Variants in ITPR2 observed in about 807,000 individuals in gnomAD.
The protein encoded by ITPR2 is inositol 1,4,5-trisphosphate-gated calcium channel ITPR2.
A neutral mutation model predicts 317.1 loss-of-function variants in ITPR2; 207 were observed. The observed-to-expected ratio is 0.65, with a 90% CI of 0.58 to 0.73. The LOEUF is 0.73. Ranked by LOEUF, ITPR2 falls within the 30% of genes least tolerant of loss-of-function variation. The pLI is 0.00. For missense variants in ITPR2, 2,613 were observed against 3,284.0 expected (o/e 0.80, Z 4.99); for synonymous variants, 1,156 against 1,149.1 (o/e 1.01, Z -0.12).
At chr12:26,467,302 A>G (rs375244387) in intron 45 of ITPR2, among the ~76,000 whole-genome samples, 32 of 152,304 alleles carry the variant, frequency 2.1e-4, no homozygotes, top group African/African-American at 7.7e-4. Flanking sequence ...TTAGCATGAC[A>G]TAAAAAATCC....
intron 13 of ITPR2, among the ~76,000 whole-genome samples, chr12:26,669,924 G>C (rs535463814): frequency 2.0e-5 from 3 of 152,346 alleles, no homozygotes; most frequent in Middle Eastern, 3.4e-3. Flanking sequence ...AGGGTCCTAC[G>C]CCCATGGGGT....
intron 45 of ITPR2, among the ~76,000 whole-genome samples, chr12:26,472,272 AGGGACTCATGAGGACTCTTAT>A (rs1942308298): frequency 6.6e-6 from 1 of 152,174 alleles, no homozygotes; most frequent in South Asian, 2.1e-4. Context: ...GGGTTCTAAG[AGGGACTCATGAGGACTCTTAT>A]TTAATATTTA....
chr12:26,471,716 T>C (rs545936824), intron 45 of ITPR2, among the ~76,000 whole-genome samples: 4 of 152,308 alleles, frequency 2.6e-5, no homozygotes, highest in African/African-American at 9.6e-5. Context: ...GCACAAAAGA[T>C]GATTATAGTA....
intron 2 of ITPR2, among the ~76,000 whole-genome samples, chr12:26,768,571 T>TATA (rs1949777683): frequency 1.8e-4 from 17 of 96,166 alleles, no homozygotes; most frequent in African/African-American, 7.2e-4. Context: ...CAAATATATA[T>TATA]AAAAAAAAAA....
At chr12:26,431,679 G>A (rs1283104645) in intron 48 of ITPR2, among the ~76,000 whole-genome samples, 1 of 152,132 alleles carries the variant, frequency 6.6e-6, no homozygotes, top group African/African-American at 2.4e-5. Context: ...TCCCTTAAAT[G>A]TCTCCATTTA....
At chr12:26,446,152 T>C (rs796579554) in intron 45 of ITPR2, among the ~76,000 whole-genome samples, 17 of 152,128 alleles carry the variant, frequency 1.1e-4, no homozygotes, top group Middle Eastern at 3.4e-3. Flanking sequence ...GGATAACTGA[T>C]GAAAAGCAGC....
In ITPR2 at chr12:26,663,810, C is replaced by A; in HGVS notation, c.1588G>T (p.Ala530Ser). ...GILKAPFKEKAGEGSMLRLED... is the reference protein window; with the variant it reads ...GILKAPFKEKSGEGSMLRLED... The stretch of plus-strand genomic sequence containing the variant: ...AGTCTCAGCATCGAGCCTTCTCCTG[C>A]TTTCTCTTTAAAGGGTGCTTTAAGA... Residue 530 changes from alanine (A) to serine (S), a missense_variant, in exon 15 of 57, where the codon GCA (alanine) becomes TCA (serine). Ala to Ser is a moderately conservative substitution (Grantham distance 99). This residue lies in a region of ITPR2 where 515 missense variants were observed against 789.4 expected (regional missense o/e 0.65). Transcript: ENST00000381340. The A allele has an allele frequency of 6.2e-7, 1 of 1,613,596 alleles. No homozygotes were observed. The highest frequency in any genetic ancestry group is 1.7e-5 in the Admixed American group (1 of 59,816).
intron 48 of ITPR2, among the ~76,000 whole-genome samples, chr12:26,432,863 C>T (rs905702335): frequency 5.3e-5 from 8 of 152,154 alleles, no homozygotes; most frequent in Non-Finnish European, 1.0e-4. Context: ...TTTTTAAGCA[C>T]TTCTTGAAGG....
chr12:26,553,518 A>G (rs1944581456), intron 36 of ITPR2, among the ~76,000 whole-genome samples: 1 of 152,116 alleles, frequency 6.6e-6, no homozygotes, highest in African/African-American at 2.4e-5. Flanking sequence ...CAGGCATGGT[A>G]GCTCACGCCT....
At chr12:26,750,657 A>G (rs1949397625) in intron 2 of ITPR2, among the ~76,000 whole-genome samples, 1 of 152,226 alleles carries the variant, frequency 6.6e-6, no homozygotes, top group African/African-American at 2.4e-5. Flanking sequence ...GCTATAACCA[A>G]TTAGGCCAAA....
At chr12:26,401,423 G>C (rs1940173898) in intron 52 of ITPR2, among the ~76,000 whole-genome samples, 2 of 152,136 alleles carry the variant, frequency 1.3e-5, no homozygotes, top group African/African-American at 4.8e-5. Flanking sequence ...TCTATTTAGG[G>C]ATAAAGGAGG....
At chr12:26,769,795 G>C (rs1252316058) in intron 2 of ITPR2, among the ~76,000 whole-genome samples, 1 of 150,120 alleles carries the variant, frequency 6.7e-6, no homozygotes, top group Admixed American at 6.6e-5. Flanking sequence ...AAGACCGGAT[G>C]GGGGGAGTGG....
At chr12:26,583,628 T>C (rs1385782805) in intron 32 of ITPR2, among the ~76,000 whole-genome samples, 1 of 152,134 alleles carries the variant, frequency 6.6e-6, no homozygotes, top group Non-Finnish European at 1.5e-5. Flanking sequence ...TGAATTCTGA[T>C]TAATTTTTCT....
chr12:26,605,618 C>T (rs915992214), intron 26 of ITPR2, among the ~76,000 whole-genome samples: 2 of 152,120 alleles, frequency 1.3e-5, no homozygotes, highest in African/African-American at 4.8e-5. Context: ...GAAGAAAAAG[C>T]AACTGTCTTG....
At chr12:26,344,292 G>A (rs73079126) in intron 55 of ITPR2, among the ~76,000 whole-genome samples, 76 of 152,288 alleles carry the variant, frequency 5.0e-4, no homozygotes, top group Middle Eastern at 3.4e-3. Context: ...TTCTGGGAGA[G>A]ATTTTTTCAA....
At chr12:26,360,465 G>C (rs150220622) in intron 55 of ITPR2, among the ~76,000 whole-genome samples, 6 of 152,172 alleles carry the variant, frequency 3.9e-5, no homozygotes, top group Admixed American at 3.3e-4. Flanking sequence ...CCTGAGAGCC[G>C]TTTTTGGCTT....
intron 21 of ITPR2, among the ~76,000 whole-genome samples, chr12:26,636,900 T>C (rs1179099675): frequency 6.6e-6 from 1 of 152,186 alleles, no homozygotes; most frequent in Non-Finnish European, 1.5e-5. Flanking sequence ...GCATGAATCA[T>C]GTTTTCCCAC....
chr12:26,730,695 A>G, intron 2 of ITPR2, among the ~76,000 whole-genome samples: 1 of 152,272 alleles, frequency 6.6e-6, no homozygotes, highest in South Asian at 2.1e-4. Flanking sequence ...TACAACTTTT[A>G]TTTATTTATT....
chr12:26,407,497 G>T (rs1023741602), intron 52 of ITPR2, among the ~76,000 whole-genome samples: 1 of 152,116 alleles, frequency 6.6e-6, no homozygotes, highest in African/African-American at 2.4e-5. Context: ...GGTTGGGGTA[G>T]GGGTGGGGAC....
Sources: allele counts gnomAD v4.1 joint callset (sites outside exome capture counted in the v4.1 genomes callset), GRCh38; gene constraint gnomAD v4.1.1; regional missense constraint gnomAD v4.1.1; transcripts MANE v1.5; gene names NCBI Gene and HGNC (gene_info 2026-07-23, HGNC 2026-07-21).